The following NCOA2 variants were observed in gnomAD, a reference collection of about 807,000 sequenced individuals.
NCOA2 encodes the protein nuclear receptor coactivator 2, also known as class E basic helix-loop-helix protein 75.
A neutral mutation model predicts 145.1 loss-of-function variants in NCOA2; 21 were observed. The observed-to-expected ratio is 0.14, with a 90% confidence interval of 0.10 to 0.21. The LOEUF (loss-of-function observed/expected upper bound fraction) is 0.21. Ranked by LOEUF, NCOA2 falls within the 10% of genes least tolerant of loss-of-function variation. The probability of loss-of-function intolerance (pLI) is 1.00; values close to 1 mark genes in which losing one functional copy is unlikely to be tolerated. For missense variants in NCOA2, 1,472 were observed against 1,837.6 expected, an observed-to-expected ratio of 0.80 and a Z score of 3.64; for synonymous variants, 619 against 637.5, an observed-to-expected ratio of 0.97 and a Z score of 0.44.
the NCOA2 span, among the ~76,000 whole-genome samples, chr8:70,417,351 C>T: frequency 4.6e-5 from 7 of 151,102 alleles, no homozygotes; most frequent in East Asian, 1.9e-4. Flanking sequence ...GAGTTTGAGA[C>T]CAGCCTGGCC....
intron 1 of NCOA2, among the ~76,000 whole-genome samples, chr8:70,374,247 G>A (rs1257881525): frequency 1.3e-5 from 2 of 151,792 alleles, no homozygotes; most frequent in African/African-American, 2.4e-5. Flanking sequence ...TGAGGTGGGC[G>A]GATCACCTGA....
At chr8:70,374,907 A>G (rs1473246331) in intron 1 of NCOA2, among the ~76,000 whole-genome samples, 1 of 152,056 alleles carries the variant, frequency 6.6e-6, no homozygotes, top group Non-Finnish European at 1.5e-5. Flanking sequence ...TTACTTATCT[A>G]TATTTTCCAA....
At chr8:70,161,749 C>G (rs1046108034) in intron 9 of NCOA2, among the ~76,000 whole-genome samples, 1 of 152,196 alleles carries the variant, frequency 6.6e-6, no homozygotes, top group Admixed American at 6.5e-5. Context: ...ACAAGCTGCA[C>G]TGCACTGCAT....
At chr8:70,356,338 T>C (rs1809687197) in intron 1 of NCOA2, among the ~76,000 whole-genome samples, 1 of 152,094 alleles carries the variant, frequency 6.6e-6, no homozygotes, top group Non-Finnish European at 1.5e-5. Context: ...AGTTGATTGC[T>C]TTTTTTCTTC....
the NCOA2 span, chr8:70,424,623 A>C: frequency 2.6e-6 from 1 of 386,846 alleles, no homozygotes; most frequent in South Asian, 2.0e-5. Context: ...GGAAGAGCAA[A>C]CTTTTTCTGC....
intron 4 of NCOA2, among the ~76,000 whole-genome samples, chr8:70,200,851 A>T (rs1817803904): frequency 6.6e-6 from 1 of 152,026 alleles, no homozygotes; most frequent in Admixed American, 6.6e-5. Flanking sequence ...TCAGCTCAGG[A>T]GTTCAAGGCC....
chr8:70,416,201 T>G, the NCOA2 span, among the ~76,000 whole-genome samples: 4 of 151,276 alleles, frequency 2.6e-5, no homozygotes, highest in African/African-American at 7.3e-5. Flanking sequence ...TTTTGTTTTT[T>G]TTTTTTTTCT....
At chr8:70,407,785 A>T (rs1015436411), upstream of NCOA2, among the ~76,000 whole-genome samples, 3 of 152,038 alleles carry the variant, frequency 2.0e-5, no homozygotes, top group Non-Finnish European at 4.4e-5. Context: ...ACAGAGCAAG[A>T]CTCTGTCTCC....
At chr8:70,121,178 C>T in intron 22 of NCOA2, 124 bp downstream of exon 22, 1 of 777,806 alleles carries the variant, frequency 1.3e-6, no homozygotes. Flanking sequence ...CCAGATGAAA[C>T]CAGAAGATAT....
intron 1 of NCOA2, among the ~76,000 whole-genome samples, chr8:70,334,044 A>G (rs1013029271): frequency 9.9e-5 from 15 of 152,138 alleles, no homozygotes; most frequent in African/African-American, 3.6e-4. Flanking sequence ...TTTCTCATCA[A>G]TACAATTCAC....
rs550448805 is a variant in NCOA2, at chr8:70,282,686, C to CAA, written c.-20+14056_-20+14057dup. On this transcript the variant is annotated intron_variant, in intron 2 of 22. Transcript: ENST00000452400. ...CTGGGCAAAAAGAGCAAAACTGCCT[C>CAA]AAAAAAAAAAAAAAAAAAGTAGCCA... Among the ~76,000 whole-genome samples the CAA allele has an allele frequency of 2.2e-3, 210 of 97,240 alleles. 3 individuals are homozygous for CAA. The highest frequency in any genetic ancestry group is 0.014 in the East Asian group (52 of 3,784). 63.8% of individuals were successfully genotyped at this position (97,240 alleles called of 152,430 possible). A position where few individuals can be genotyped will look rare whatever the true frequency, so the allele number is the denominator to read the frequency against.
At position 70,123,905 on chromosome 8, in the gene NCOA2, C is replaced by T. The variant is rs749727618; in HGVS notation, c.4272G>A (p.Leu1424=). ...TSVTSVPTSG[L]SSMGPEQVND... ...TCACCTGCTCGGGACCCATGGAGGA[C>T]AGCCCTGACGTAGGCACGGAGGTCA... The change falls in exon 21 of 23, where the codon CTG becomes CTA. Residue 1424 remains leucine, a synonymous_variant. Transcript: ENST00000452400. 3 of 1,612,788 alleles carry T rather than the reference C, an allele frequency of 1.9e-6. No individual in the cohort carries two copies. In the South Asian group the frequency reaches 3.3e-5, roughly 18 times the overall value.
chr8:70,299,921 T>A (rs1827368400), intron 1 of NCOA2, among the ~76,000 whole-genome samples: 2 of 152,194 alleles, frequency 1.3e-5, no homozygotes, highest in Admixed American at 6.5e-5. Flanking sequence ...ATGCTGTACA[T>A]CCATACAGTG....
chr8:70,128,671 C>A (rs1319222398), intron 17 of NCOA2, 31 bp downstream of exon 17: 1 of 1,608,654 alleles, frequency 6.2e-7, no homozygotes, highest in South Asian at 1.1e-5. Context: ...CCCAGCACCC[C>A]TGACTTCCCA....
intron 1 of NCOA2, among the ~76,000 whole-genome samples, chr8:70,299,198 T>A (rs921518895): frequency 2.6e-5 from 4 of 152,174 alleles, no homozygotes; most frequent in African/African-American, 9.7e-5. Context: ...AAAAACAGAA[T>A]TACAAACTTT....
chr8:70,392,077 G>A (rs1813260726), intron 1 of NCOA2, among the ~76,000 whole-genome samples: 1 of 152,194 alleles, frequency 6.6e-6, no homozygotes. Context: ...GGGATTCACT[G>A]TACTATTTTT....
intron 11 of NCOA2, 41 bp downstream of exon 11, chr8:70,155,930 T>C: frequency 6.8e-7 from 1 of 1,477,432 alleles, no homozygotes; most frequent in South Asian, 1.4e-5. Flanking sequence ...CCTTGATGGA[T>C]ACAGATTAGT....
the NCOA2 span, among the ~76,000 whole-genome samples, chr8:70,441,497 AAGAG>A: frequency 1.3e-5 from 2 of 150,940 alleles, no homozygotes; most frequent in Admixed American, 6.6e-5. Context: ...AAGGGAAAGA[AAGAG>A]AAAGAAAAGA....
intron 1 of NCOA2, among the ~76,000 whole-genome samples, chr8:70,348,392 TAA>T (rs1417446191): frequency 1.3e-5 from 2 of 152,330 alleles, no homozygotes; most frequent in Admixed American, 1.3e-4. Flanking sequence ...CTGGAAAAGC[TAA>T]AGAGTTTGTT....
Sources: allele counts gnomAD v4.1 joint callset (sites outside exome capture counted in the v4.1 genomes callset), GRCh38; gene constraint gnomAD v4.1.1; transcripts MANE v1.5; gene names NCBI Gene and HGNC (gene_info 2026-07-23, HGNC 2026-07-21).